Variants in FRY observed in about 807,000 individuals in gnomAD.
The protein encoded by FRY is protein furry homolog.
In FRY, 128 loss-of-function variants were observed where a neutral mutation model predicts 348.4. The ratio of observed to expected loss-of-function variants is 0.37; its 90% CI spans 0.32 to 0.43. FRY has a LOEUF of 0.43. FRY is among the 20% of genes least tolerant of loss of function. The probability of loss-of-function intolerance (pLI) is 1.00; values close to 1 mark genes in which losing one functional copy is unlikely to be tolerated. For synonymous variants in FRY, 1,370 were observed against 1,374.7 expected, an observed-to-expected ratio of 1.00 and a Z score of 0.08; for missense variants, 2,736 against 3,695.2, an observed-to-expected ratio of 0.74 and a Z score of 6.73.
chr13:32,210,872 A>T lies in FRY; in HGVS notation c.4429A>T (p.Lys1477Ter). The part of the protein sequence containing the change: ...SDTVLLPYIK[K>*]VAIYLCRNNT... ...TTTCTTTTTTCCTTCTCAGATTAAA[A>T]AAGTGGCAATATACTTGTGCCGTAA... Residue 1477 changes from lysine to a stop codon, truncating the protein, a stop_gained, in exon 34 of 61, where the codon AAA becomes TAA. Transcript: ENST00000542859. LOFTEE classifies it high-confidence loss of function. The T allele has an allele frequency of 6.2e-7, 1 of 1,613,898 alleles. No homozygotes were observed. The highest frequency in any genetic ancestry group is 8.5e-7 in the Non-Finnish European group (1 of 1,179,778).
chr13:32,271,601 C>A (rs957087856), intron 55 of FRY, among the ~76,000 whole-genome samples: 1 of 152,196 alleles, frequency 6.6e-6, no homozygotes, highest in African/African-American at 2.4e-5. Context: ...ACTGGGGACT[C>A]TCTAGCAACT....
rs933519197 is a variant in FRY at position 32,287,748 on chromosome 13, A to G, written c.8470-1885A>G. 11 of 299,690 alleles carry G rather than the reference A, an allele frequency of 3.7e-5. 1 individual carries two copies. Among genetic ancestry groups the G allele is most frequent in the South Asian group, 3.2e-4 (9 of 28,542 alleles). 18.6% of individuals were successfully genotyped at this position (299,690 alleles called of 1,614,324 possible). ...AACATTTATCAAGTTTGGGTGAGCA[A>G]TGCTAATACTGCTGGTGGTTCTGCT... On this transcript the variant is annotated intron_variant, in intron 58 of 60. Coordinates refer to ENST00000542859, the MANE Select transcript of FRY (RefSeq NM_023037.3).
intron 23 of FRY, among the ~76,000 whole-genome samples, chr13:32,180,213 T>C (rs1882615155): frequency 6.6e-6 from 1 of 152,176 alleles, no homozygotes; most frequent in African/African-American, 2.4e-5. Context: ...TTCAGTTCCA[T>C]TGGTTGATCT....
intron 1 of FRY, among the ~76,000 whole-genome samples, chr13:32,039,848 T>C (rs1012039830): frequency 6.6e-6 from 1 of 152,230 alleles, no homozygotes; most frequent in Admixed American, 6.5e-5. Context: ...TGAAATCTTT[T>C]TTGAGAAGGC....
At chr13:32,224,442 AT>A in intron 37 of FRY, 57 bp downstream of exon 37, 1 of 1,541,030 alleles carries the variant, frequency 6.5e-7, no homozygotes, top group Non-Finnish European at 8.9e-7. Context: ...TTTTCTACCT[AT>A]GACAAGAGAA....
At chr13:32,138,463 G>A (rs1321317086) in intron 11 of FRY, among the ~76,000 whole-genome samples, 1 of 152,086 alleles carries the variant, frequency 6.6e-6, no homozygotes, top group Non-Finnish European at 1.5e-5. Context: ...AAACATAGCA[G>A]ATCATCTTAC....
chr13:32,267,141 C>T lies in FRY; in HGVS notation c.7947-29C>T, dbSNP rs375060573. On this transcript the variant is annotated intron_variant, in intron 54 of 60. Transcript: ENST00000542859. Reference sequence around the variant, plus strand: ...GTATAGGATGAGAAGGACATCACTTCTTGACATAGTCGTTTTCATTTTTTC... The same window carrying T: ...GTATAGGATGAGAAGGACATCACTTTTTGACATAGTCGTTTTCATTTTTTC... The T allele has an allele frequency of 3.8e-6, 6 of 1,599,704 alleles. No homozygotes were observed. In the African/African-American group the frequency reaches 8.0e-5, roughly 21 times the overall value.
rs772407203 is a variant in FRY, at chr13:32,254,398, C to T, written c.7416+4C>T. On this transcript the variant is annotated splice_donor_region_variant and intron_variant, in intron 51 of 60. Coordinates refer to ENST00000542859, the MANE Select transcript of FRY (RefSeq NM_023037.3). ...TGTGGAGCTGGAGGATGGAGAGGTA[C>T]GGTGTATTCTCTGTAAAAATAATCC... 15 of 1,612,148 alleles carry T rather than the reference C, an allele frequency of 9.3e-6. No homozygotes were observed. Among genetic ancestry groups the T allele is most frequent in the Middle Eastern group, 1.6e-4 (1 of 6,074 alleles).
chr13:32,033,182 G>A (rs1480495836), intron 1 of FRY, among the ~76,000 whole-genome samples: 4 of 152,166 alleles, frequency 2.6e-5, no homozygotes, highest in Non-Finnish European at 5.9e-5. Context: ...ACTTGTCATA[G>A]CTATAAATCA....
At chr13:32,255,383 C>T (rs888287235) in intron 51 of FRY, among the ~76,000 whole-genome samples, 4 of 152,186 alleles carry the variant, frequency 2.6e-5, no homozygotes, top group African/African-American at 9.7e-5. Context: ...CAAGTAGCTG[C>T]TTACCTTCCC....
chr13:32,175,081 C>T (rs1214955009), intron 19 of FRY, among the ~76,000 whole-genome samples: 1 of 152,062 alleles, frequency 6.6e-6, no homozygotes, highest in Non-Finnish European at 1.5e-5. Context: ...AGTGTGTGGT[C>T]AGTCTAGTTT....
intron 38 of FRY, 128 bp from the exon 39 acceptor site, chr13:32,225,661 A>G: frequency 1.2e-6 from 1 of 831,160 alleles, no homozygotes; most frequent in East Asian, 2.5e-5. Context: ...TGGTAACCCA[A>G]ACAATAACAA....
At chr13:32,102,652 A>G (rs568954334) in intron 3 of FRY, among the ~76,000 whole-genome samples, 1 of 152,244 alleles carries the variant, frequency 6.6e-6, no homozygotes. Context: ...GGACTAGTAA[A>G]GAACATTCAA....
intron 7 of FRY, among the ~76,000 whole-genome samples, chr13:32,127,552 C>A (rs556118985): frequency 1.1e-4 from 17 of 152,000 alleles, no homozygotes; most frequent in East Asian, 1.9e-4. Context: ...CCAAGGTGGG[C>A]GGATCACAAG....
intron 7 of FRY, among the ~76,000 whole-genome samples, chr13:32,125,442 C>T (rs939700120): frequency 6.6e-6 from 1 of 152,196 alleles, no homozygotes; most frequent in African/African-American, 2.4e-5. Context: ...AAAGTGATGT[C>T]ACACCCTACT....
chr13:32,272,515 G>C (rs1212241961), intron 55 of FRY, among the ~76,000 whole-genome samples: 1 of 152,160 alleles, frequency 6.6e-6, no homozygotes, highest in African/African-American at 2.4e-5. Flanking sequence ...AAATGTCACT[G>C]GGTATGGTGG....
chr13:32,061,115 A>T, intron 1 of FRY: 1 of 533,378 alleles, frequency 1.9e-6, no homozygotes, highest in Non-Finnish European at 3.8e-6. Context: ...GGAGATTACA[A>T]CTGCTTGTTG....
At chr13:32,146,170 T>A (rs1469291959) in intron 11 of FRY, among the ~76,000 whole-genome samples, 3 of 105,424 alleles carry the variant, frequency 2.8e-5, no homozygotes, top group Non-Finnish European at 5.4e-5. Context: ...TACAAACCTC[T>A]CCCTCCCACC....
At chr13:32,249,199 T>C (rs1197343562) in intron 48 of FRY, among the ~76,000 whole-genome samples, 26 of 152,242 alleles carry the variant, frequency 1.7e-4, no homozygotes, top group Admixed American at 1.7e-3. Flanking sequence ...GTTCTAACTA[T>C]ATGAAATTTT....
Sources: allele counts gnomAD v4.1 joint callset (sites outside exome capture counted in the v4.1 genomes callset), GRCh38; gene constraint gnomAD v4.1.1; transcripts MANE v1.5; gene names NCBI Gene and HGNC (gene_info 2026-07-23, HGNC 2026-07-21).